The following RBFOX1 variants were observed in gnomAD, a reference collection of about 807,000 sequenced individuals.
RBFOX1 encodes the protein RNA binding protein fox-1 homolog 1.
A neutral mutation model predicts 57.7 loss-of-function variants in RBFOX1; 8 were observed. The observed-to-expected ratio is 0.14, with a 90% confidence interval of 0.08 to 0.25. The LOEUF is 0.25. RBFOX1 is among the 10% of genes least tolerant of loss of function. The pLI is 1.00. For missense variants in RBFOX1, 611 were observed against 548.5 expected (o/e 1.11, Z -1.14); for synonymous variants, 326 against 222.4 (o/e 1.47, Z -4.15).
intron 4 of RBFOX1, among the ~76,000 whole-genome samples, chr16:7,222,071 T>A (rs2092771918): frequency 6.6e-6 from 1 of 152,216 alleles, no homozygotes; most frequent in South Asian, 2.1e-4. Context: ...AAGTTTTGAA[T>A]ACTCTGTGTC....
chr16:6,796,296 A>T lies in RBFOX1; in HGVS notation c.-16+141646A>T, dbSNP rs546235852. On this transcript the variant is annotated intron_variant, in intron 3 of 15. Coordinates refer to ENST00000550418, the MANE Select transcript of RBFOX1 (RefSeq NM_018723.4). ...CAACTCTCACTGGGTTCCTCCCATG[A>T]CACTTGGGAATTGTGGCAGTTACAA... 2.6e-5 allele frequency among the ~76,000 whole-genome samples: 4 copies of T among 152,140 alleles called. No homozygotes were observed. In the South Asian group the frequency reaches 8.3e-4, roughly 32 times the overall value.
intron 2 of RBFOX1, among the ~76,000 whole-genome samples, chr16:5,544,768 T>C (rs2045113900): frequency 6.6e-6 from 1 of 152,216 alleles, no homozygotes; most frequent in African/African-American, 2.4e-5. Context: ...TGAACAACTT[T>C]ATGCTCATAA....
intron 3 of RBFOX1, among the ~76,000 whole-genome samples, chr16:6,748,052 T>G (rs2154188724): frequency 6.6e-6 from 1 of 152,354 alleles, no homozygotes; most frequent in South Asian, 2.1e-4. Context: ...CGTTATTTAT[T>G]GAACCATTTT....
intron 3 of RBFOX1, among the ~76,000 whole-genome samples, chr16:6,843,515 C>T (rs1164135456): frequency 2.6e-5 from 4 of 151,984 alleles, no homozygotes; most frequent in Admixed American, 1.3e-4. Flanking sequence ...TGTGAAACCC[C>T]GTCTGTACTA....
chr16:6,256,688 G>C (rs1256962158), intron 1 of RBFOX1, among the ~76,000 whole-genome samples: 1 of 152,042 alleles, frequency 6.6e-6, no homozygotes. Context: ...TGCATTTTAG[G>C]ACACTTCGTA....
At chr16:5,777,198 A>T (rs1023981776) in intron 3 of RBFOX1, among the ~76,000 whole-genome samples, 17 of 152,184 alleles carry the variant, frequency 1.1e-4, no homozygotes, top group African/African-American at 3.6e-4. Context: ...CCAGGGGAAC[A>T]TGAATTTCCT....
At chr16:5,558,285 CTG>C (rs2045755784) in intron 2 of RBFOX1, among the ~76,000 whole-genome samples, 3 of 152,284 alleles carry the variant, frequency 2.0e-5, no homozygotes, top group Admixed American at 2.0e-4. Context: ...AAAGAGCACA[CTG>C]TAACACACGC....
intron 3 of RBFOX1, among the ~76,000 whole-genome samples, chr16:5,793,168 C>G (rs2054759066): frequency 6.6e-6 from 1 of 152,186 alleles, no homozygotes; most frequent in Non-Finnish European, 1.5e-5. Context: ...TCACTTTTCT[C>G]TAAACTTGCA....
chr16:6,671,316 G>C (rs1410555060), intron 3 of RBFOX1, among the ~76,000 whole-genome samples: 2 of 152,138 alleles, frequency 1.3e-5, no homozygotes, highest in African/African-American at 2.4e-5. Flanking sequence ...ATACACTTGT[G>C]TCAGAGGTCC....
chr16:5,814,624 G>A (rs2055556720), intron 3 of RBFOX1, among the ~76,000 whole-genome samples: 1 of 152,148 alleles, frequency 6.6e-6, no homozygotes, highest in African/African-American at 2.4e-5. Flanking sequence ...CCTGCCACCT[G>A]GCCATTTAAA....
chr16:7,628,449 A>G (rs1052115394), intron 10 of RBFOX1, among the ~76,000 whole-genome samples: 4 of 152,158 alleles, frequency 2.6e-5, no homozygotes, highest in African/African-American at 9.7e-5. Flanking sequence ...AGAGGGGACT[A>G]ACTGTCTTTC....
intron 3 of RBFOX1, among the ~76,000 whole-genome samples, chr16:6,682,217 C>A (rs989944708): frequency 1.3e-5 from 2 of 152,164 alleles, no homozygotes; most frequent in African/African-American, 2.4e-5. Context: ...CAGCAACGAA[C>A]AACGCAACAG....
intron 3 of RBFOX1, among the ~76,000 whole-genome samples, chr16:5,782,615 A>G (rs190082373): frequency 2.3e-4 from 35 of 152,352 alleles, no homozygotes; most frequent in Non-Finnish European, 1.8e-4. Context: ...AGGGTTCTCC[A>G]GGGAAACAGA....
At chr16:6,956,873 C>G (rs1455600492) in intron 3 of RBFOX1, among the ~76,000 whole-genome samples, 1 of 151,982 alleles carries the variant, frequency 6.6e-6, no homozygotes, top group Admixed American at 6.6e-5. Flanking sequence ...TGACTTCTTT[C>G]CTCATTTGTC....
chr16:5,833,175 C>G (rs980145802), intron 3 of RBFOX1, among the ~76,000 whole-genome samples: 2 of 152,156 alleles, frequency 1.3e-5, no homozygotes, highest in Non-Finnish European at 2.9e-5. Flanking sequence ...TCCTAATTTT[C>G]TAGTCCAGGA....
intron 3 of RBFOX1, among the ~76,000 whole-genome samples, chr16:6,728,009 G>T (rs9922414): frequency 1.3e-5 from 2 of 152,094 alleles, no homozygotes; most frequent in Non-Finnish European, 2.9e-5. Context: ...TGAAGAAATT[G>T]TAGTATTTCC....
At chr16:6,788,771 G>A (rs546753576) in intron 3 of RBFOX1, among the ~76,000 whole-genome samples, 23 of 151,790 alleles carry the variant, frequency 1.5e-4, no homozygotes, top group Middle Eastern at 6.8e-3. Context: ...GACCGTGCCC[G>A]GCCCCCCACT....
At chr16:5,831,160 A>T (rs1283036486) in intron 3 of RBFOX1, among the ~76,000 whole-genome samples, 1 of 152,128 alleles carries the variant, frequency 6.6e-6, no homozygotes, top group Admixed American at 6.5e-5. Context: ...TTAAAATGTA[A>T]TTCCCACCAA....
At chr16:7,193,348 C>T (rs146451564) in intron 4 of RBFOX1, among the ~76,000 whole-genome samples, 169 of 152,292 alleles carry the variant, frequency 1.1e-3, no homozygotes, top group African/African-American at 4.0e-3. Flanking sequence ...TTCCCTAGAA[C>T]CTCCAGAAAA....
Sources: gnomAD v4.1 joint callset for allele counts (sites outside exome capture counted in the v4.1 genomes callset) on GRCh38, gnomAD v4.1.1 for gene constraint, MANE v1.5 for transcripts, NCBI Gene and HGNC (gene_info 2026-07-23, HGNC 2026-07-21) for gene names.